The following PEX13 variants were observed in gnomAD, a reference collection of about 807,000 sequenced individuals.
PEX13 encodes the protein peroxisome biogenesis factor 13.
Under a neutral mutation model 34.5 loss-of-function variants are expected in PEX13, and 28 were observed. The ratio of observed to expected loss-of-function variants is 0.81; its 90% CI spans 0.60 to 1.11. The LOEUF (loss-of-function observed/expected upper bound fraction) is 1.11. Ranked by LOEUF, PEX13 falls within the 50% of genes most tolerant of loss-of-function variation. PEX13 has a pLI of 0.00. For synonymous variants in PEX13, 177 were observed against 175.1 expected (o/e 1.01, Z -0.09); for missense variants, 550 against 491.0 (o/e 1.12, Z -1.13).
At chr2:61,045,014 G>A (rs970988466) in intron 2 of PEX13, among the ~76,000 whole-genome samples, 1 of 152,082 alleles carries the variant, frequency 6.6e-6, no homozygotes, top group African/African-American at 2.4e-5. Flanking sequence ...ATCTTCATTT[G>A]GAAGTGATTA....
chr2:61,028,575 C>T (rs12470271), intron 1 of PEX13, among the ~76,000 whole-genome samples: 18,004 of 151,410 alleles, frequency 0.12, 1,408 homozygotes, highest in Non-Finnish European at 0.17. Context: ...TTAGTAGAGA[C>T]GGGGTTTCAC....
intron 2 of PEX13, among the ~76,000 whole-genome samples, chr2:61,036,907 T>C (rs1045277802): frequency 7.9e-5 from 12 of 151,510 alleles, no homozygotes; most frequent in Admixed American, 3.3e-4. Context: ...AAGACACACA[T>C]AGGCTCAAAA....
At chr2:61,030,080 T>C (rs1680425885) in intron 1 of PEX13, among the ~76,000 whole-genome samples, 1 of 152,130 alleles carries the variant, frequency 6.6e-6, no homozygotes, top group Non-Finnish European at 1.5e-5. Flanking sequence ...CCCCCACAGA[T>C]ACCAAGGGCT....
intron 1 of PEX13, among the ~76,000 whole-genome samples, chr2:61,023,795 G>A (rs1680306358): frequency 8.1e-6 from 1 of 122,728 alleles, no homozygotes. Flanking sequence ...TGTTTTGTTT[G>A]TTTGTTTGTT....
chr2:61,032,294 G>T (rs988501238), intron 2 of PEX13, among the ~76,000 whole-genome samples, 181 bp downstream of exon 2: 2 of 152,148 alleles, frequency 1.3e-5, no homozygotes, highest in Non-Finnish European at 1.5e-5. Flanking sequence ...TTAGTTTATT[G>T]TTCAGTTTAA....
intron 2 of PEX13, among the ~76,000 whole-genome samples, chr2:61,044,769 A>G (rs574951798): frequency 1.3e-5 from 2 of 152,350 alleles, no homozygotes; most frequent in Non-Finnish European, 2.9e-5. Context: ...AGTTTTGACA[A>G]CACCTAATAC....
intron 3 of PEX13, among the ~76,000 whole-genome samples, chr2:61,047,633 G>A (rs1349026160): frequency 6.6e-6 from 1 of 152,124 alleles, no homozygotes; most frequent in Non-Finnish European, 1.5e-5. Flanking sequence ...ATTCTTCAAT[G>A]AATAGTGCCT....
intron 3 of PEX13, among the ~76,000 whole-genome samples, chr2:61,047,445 C>A (rs1184971260): frequency 6.6e-6 from 1 of 152,156 alleles, no homozygotes; most frequent in Non-Finnish European, 1.5e-5. Flanking sequence ...TGTACCACCA[C>A]GCTGGGCCTA....
chr2:61,020,825 TTGTATTTTTAA>T (rs1468771641), intron 1 of PEX13, among the ~76,000 whole-genome samples: 1 of 151,942 alleles, frequency 6.6e-6, no homozygotes, highest in Non-Finnish European at 1.5e-5. Flanking sequence ...CAGCTAATTT[TTGTATTTTTAA>T]TAGAGATGGG....
intron 1 of PEX13, among the ~76,000 whole-genome samples, chr2:61,025,445 G>A (rs1041245837): frequency 3.3e-5 from 5 of 152,048 alleles, no homozygotes; most frequent in African/African-American, 1.2e-4. Context: ...TACAACCCCT[G>A]TCACCCAGGT....
chr2:61,045,032 A>G (rs1272854655), intron 2 of PEX13, among the ~76,000 whole-genome samples: 1 of 152,258 alleles, frequency 6.6e-6, no homozygotes, highest in East Asian at 1.9e-4. Context: ...TTAATCTGCA[A>G]TGTAATAACA....
chr2:61,049,033 A>G lies in PEX13; in HGVS notation c.*263A>G, dbSNP rs558525565. On this transcript the variant is annotated 3_prime_UTR_variant, in exon 4 of 4. Coordinates refer to ENST00000295030, the MANE Select transcript of PEX13 (RefSeq NM_002618.4). Reference sequence around the variant, plus strand: ...TGGAGACTGCTGTCATTTTTATCTTATTTAAATCTCTAGGTTTATTGGAAG... The same window carrying G: ...TGGAGACTGCTGTCATTTTTATCTTGTTTAAATCTCTAGGTTTATTGGAAG... The G allele has an allele frequency of 4.4e-6, 2 of 456,750 alleles. No homozygotes were observed. The highest frequency in any genetic ancestry group is 7.9e-6 in the Non-Finnish European group (2 of 252,264). 28.3% of individuals were successfully genotyped at this position (456,750 alleles called of 1,614,324 possible).
In PEX13 at chr2:61,031,917, G is replaced by A. The variant is rs2104803591; in HGVS notation, c.591G>A (p.Arg197=). ...TIRYLYRRLQ[R]MLGLRRGSEN... ...GGTATCTTTACAGACGGCTACAGCG[G>A]ATGTTAGGTTTAAGAAGAGGCTCTG... Residue 197 remains arginine (R), a synonymous_variant, in exon 2 of 4, where the codon CGG becomes CGA. Coordinates refer to ENST00000295030, the MANE Select transcript of PEX13 (RefSeq NM_002618.4). 6.2e-7 allele frequency: 1 copy of A among 1,614,154 alleles called. No homozygotes were observed.
rs767815950 is a variant in PEX13 at position 61,045,886 on chromosome 2, A to T, written c.913+35A>T. 16 of 1,533,212 alleles carry T rather than the reference A, an allele frequency of 1.0e-5. No individual in the cohort carries two copies. The African/African-American group carries it at 1.8e-4, about 17-fold the overall frequency. 95.0% of individuals were successfully genotyped at this position (1,533,212 alleles called of 1,614,324 possible). ...TATGAATAAGTTGGAATTATCTGTA[A>T]ATTTTGATATTCATAAATGCAGTAT... On this transcript the variant is annotated intron_variant, in intron 3 of 3. Transcript: ENST00000295030.
intron 2 of PEX13, among the ~76,000 whole-genome samples, chr2:61,032,538 TATCTC>T (rs1490088645): frequency 6.6e-6 from 1 of 152,240 alleles, no homozygotes; most frequent in African/African-American, 2.4e-5. Context: ...TTGTGTGTTT[TATCTC>T]ATTTAATTAT....
chr2:61,046,705 T>C (rs1015327260), intron 3 of PEX13, among the ~76,000 whole-genome samples: 1 of 152,190 alleles, frequency 6.6e-6, no homozygotes, highest in Non-Finnish European at 1.5e-5. Flanking sequence ...AAAGGTGCAA[T>C]AGAACTGGAC....
intron 3 of PEX13, among the ~76,000 whole-genome samples, chr2:61,048,216 A>G (rs1285605668): frequency 6.6e-6 from 1 of 152,224 alleles, no homozygotes; most frequent in Non-Finnish European, 1.5e-5. Context: ...TACTCTATGA[A>G]TGGACCAACT....
chr2:61,039,560 A>G (rs540792796), intron 2 of PEX13, among the ~76,000 whole-genome samples: 11 of 152,326 alleles, frequency 7.2e-5, no homozygotes, highest in African/African-American at 2.2e-4. Flanking sequence ...CTGAAACTGG[A>G]TTCCTTCCTT....
At chr2:61,029,071 G>A (rs1242621016) in intron 1 of PEX13, among the ~76,000 whole-genome samples, 1 of 145,060 alleles carries the variant, frequency 6.9e-6, no homozygotes. Context: ...AGCTGAGGCA[G>A]AAGGATTACT....
Sources: allele counts gnomAD v4.1 joint callset (sites outside exome capture counted in the v4.1 genomes callset), GRCh38; gene constraint gnomAD v4.1.1; transcripts MANE v1.5; gene names NCBI Gene and HGNC (gene_info 2026-07-23, HGNC 2026-07-21).